The following CORO1C variants were observed in gnomAD, a reference collection of about 807,000 sequenced individuals.
The protein encoded by CORO1C is coronin 1C.
Under a neutral mutation model 51.2 loss-of-function variants are expected in CORO1C, and 14 were observed. The observed-to-expected ratio is 0.27, with a 90% CI of 0.18 to 0.43. The LOEUF (loss-of-function observed/expected upper bound fraction) is 0.43, where lower values mean the gene tolerates loss of function less well. CORO1C is among the 20% of genes least tolerant of loss of function. The pLI is 1.00. For missense variants in CORO1C, 417 were observed against 607.8 expected, an observed-to-expected ratio of 0.69 and a Z score of 3.30; for synonymous variants, 181 against 210.5, an observed-to-expected ratio of 0.86 and a Z score of 1.21.
chr12:108,655,786 T>G (rs2032936725), intron 6 of CORO1C, among the ~76,000 whole-genome samples: 1 of 152,230 alleles, frequency 6.6e-6, no homozygotes, highest in Admixed American at 6.5e-5. Flanking sequence ...GATTGCAGCC[T>G]CTGCCCGGCC....
At chr12:108,687,928 T>TC (rs1401533514) in intron 2 of CORO1C, among the ~76,000 whole-genome samples, 1 of 151,396 alleles carries the variant, frequency 6.6e-6, no homozygotes, top group Non-Finnish European at 1.5e-5. Flanking sequence ...CTGACCCTTT[T>TC]TTTTTTTTTG....
intron 3 of CORO1C, among the ~76,000 whole-genome samples, 166 bp from the exon 4 acceptor site, chr12:108,662,324 T>C (rs926767929): frequency 1.3e-5 from 2 of 152,082 alleles, no homozygotes; most frequent in Admixed American, 1.3e-4. Context: ...GCGGTTTTTT[T>C]TTTGTTTGTT....
chr12:108,680,652 C>A (rs1281662049), intron 2 of CORO1C, among the ~76,000 whole-genome samples: 1 of 152,156 alleles, frequency 6.6e-6, no homozygotes, highest in Non-Finnish European at 1.5e-5. Context: ...GATGTGAGGA[C>A]TAAATGAGAC....
intron 2 of CORO1C, among the ~76,000 whole-genome samples, chr12:108,692,132 T>C (rs961422091): frequency 6.6e-6 from 1 of 152,164 alleles, no homozygotes; most frequent in Non-Finnish European, 1.5e-5. Flanking sequence ...GAAGTCATTG[T>C]TCTGCACCTG....
rs371616071 is a variant in CORO1C at position 108,726,446 on chromosome 12, A to G, written c.-6+4983T>C. 9.2e-5 allele frequency among the ~76,000 whole-genome samples: 14 copies of G among 151,924 alleles called. No individual in the cohort carries two copies. The East Asian group carries it at 2.1e-3, about 23-fold the overall frequency. On this transcript the variant is annotated intron_variant, in intron 1 of 10. Coordinates refer to ENST00000261401, the MANE Select transcript of CORO1C (RefSeq NM_014325.4). ...TGTCTCAAAAAAAAAAAAAATGAAC[A>G]TAAGAACACAAAATATAACTAAAGA...
Position 108,731,187 on chromosome 12 carries a change from C to G in CORO1C, c.-6+242G>C, listed in dbSNP as rs527387325. 7.2e-5 allele frequency: 11 copies of G among 153,188 alleles called. No individual in the cohort carries two copies. The South Asian group carries it at 2.2e-3, about 30-fold the overall frequency. 9.5% of individuals were successfully genotyped at this position (153,188 alleles called of 1,614,324 possible). On this transcript the variant is annotated intron_variant, in intron 1 of 10. Transcript: ENST00000261401. This position sits in a 1 kb window ranked among gnomAD's most constrained non-coding sequence, Gnocchi z 5.2. ...CAGGGACCCTGCTTCACGCTCCCCA[C>G]GCCACCTGGTTCGGTCCCCAACTCC...
intron 8 of CORO1C, 59 bp from the exon 9 acceptor site, chr12:108,649,079 G>C: frequency 6.4e-7 from 1 of 1,572,838 alleles, no homozygotes; most frequent in Non-Finnish European, 8.7e-7. Flanking sequence ...TGACTAACAG[G>C]ATGAATAATT....
In CORO1C at chr12:108,647,205, C is replaced by T; in HGVS notation, c.*198G>A. ...CTGATAAAAAGCTCAGCTTTTAAAT[C>T]ACGTTTTGTTTCTGCAAATTTGGGA... On this transcript the variant is annotated 3_prime_UTR_variant, in exon 11 of 11. Coordinates refer to ENST00000261401, the MANE Select transcript of CORO1C (RefSeq NM_014325.4). 2.2e-6 allele frequency: 1 copy of T among 454,094 alleles called. No homozygotes were observed. The highest frequency in any genetic ancestry group is 3.3e-5 in the East Asian group (1 of 30,374). The allele number at this position is 454,094 out of a possible 1,614,324, so 28.1% of individuals were successfully genotyped here. A position where few individuals can be genotyped will look rare whatever the true frequency, so the allele number is the denominator to read the frequency against.
chr12:108,682,834 A>G (rs527849299), intron 2 of CORO1C, among the ~76,000 whole-genome samples: 1 of 152,324 alleles, frequency 6.6e-6, no homozygotes, highest in South Asian at 2.1e-4. Context: ...TCTGAGTATA[A>G]TGCAATACAA....
intron 1 of CORO1C, among the ~76,000 whole-genome samples, chr12:108,717,444 G>A (rs138767522): frequency 1.3e-5 from 2 of 152,162 alleles, no homozygotes; most frequent in African/African-American, 4.8e-5. Flanking sequence ...AAAAGCTCAC[G>A]CTGAATGAAG....
rs2032319270 is a variant in CORO1C, at chr12:108,645,598, C to A, written c.*1805G>T. 1 of 152,296 alleles carries A rather than the reference C, an allele frequency of 6.6e-6. No homozygotes were observed. Among genetic ancestry groups the A allele is most frequent in the East Asian group, 1.9e-4 (1 of 5,186 alleles). 9.4% of individuals were successfully genotyped at this position (152,296 alleles called of 1,614,324 possible). A position where few individuals can be genotyped will look rare whatever the true frequency, so the allele number is the denominator to read the frequency against. ...TATTAAACACATACATACACACACA[C>A]AAAACCACATCAAACATTCAGATGC... On this transcript the variant is annotated 3_prime_UTR_variant, in exon 11 of 11. Coordinates refer to ENST00000261401, the MANE Select transcript of CORO1C (RefSeq NM_014325.4).
chr12:108,689,136 G>A (rs552979460), intron 2 of CORO1C, among the ~76,000 whole-genome samples: 1 of 152,256 alleles, frequency 6.6e-6, no homozygotes, highest in South Asian at 2.1e-4. Flanking sequence ...GAAGGCGGAG[G>A]TTGCAGTGAG....
chr12:108,724,768 A>AATG (rs1473228123), intron 1 of CORO1C, among the ~76,000 whole-genome samples: 1 of 152,168 alleles, frequency 6.6e-6, no homozygotes, highest in Non-Finnish European at 1.5e-5. Flanking sequence ...TTCCACATAC[A>AATG]ATGTATAGGC....
At chr12:108,719,980 T>C (rs186969122) in intron 1 of CORO1C, among the ~76,000 whole-genome samples, 1 of 151,724 alleles carries the variant, frequency 6.6e-6, no homozygotes, top group Non-Finnish European at 1.5e-5. Context: ...AGCCCAAGAG[T>C]TGGAAACCAG....
chr12:108,701,720 G>A, intron 1 of CORO1C: 1 of 192,844 alleles, frequency 5.2e-6, no homozygotes, highest in East Asian at 1.4e-4. Context: ...TAGAGGTGAG[G>A]CTGAAGAAAG....
intron 1 of CORO1C, among the ~76,000 whole-genome samples, chr12:108,718,545 A>ACTCAT (rs2035397605): frequency 6.6e-6 from 1 of 151,974 alleles, no homozygotes; most frequent in Non-Finnish European, 1.5e-5. Context: ...CCACCTCAAA[A>ACTCAT]ACAAAAAGAA....
chr12:108,672,567 G>A (rs2033758098), intron 3 of CORO1C, among the ~76,000 whole-genome samples: 1 of 152,044 alleles, frequency 6.6e-6, no homozygotes, highest in South Asian at 2.1e-4. Flanking sequence ...AAAGGAGATG[G>A]AGATGTAATT....
intron 3 of CORO1C, among the ~76,000 whole-genome samples, chr12:108,668,167 A>G (rs1336274456): frequency 6.6e-6 from 1 of 152,256 alleles, no homozygotes; most frequent in East Asian, 1.9e-4. Flanking sequence ...ATGTGGTAGC[A>G]GCTGCAGACC....
intron 2 of CORO1C, among the ~76,000 whole-genome samples, chr12:108,680,804 G>A (rs927726986): frequency 6.6e-6 from 1 of 152,166 alleles, no homozygotes; most frequent in Non-Finnish European, 1.5e-5. Flanking sequence ...TCTAAGCCAC[G>A]TGGTTTTGCT....
Sources: gnomAD v4.1 joint callset for allele counts (sites outside exome capture counted in the v4.1 genomes callset) on GRCh38, gnomAD v4.1.1 for gene constraint, Gnocchi (gnomAD v3.1) non-coding constraint, MANE v1.5 for transcripts, NCBI Gene and HGNC (gene_info 2026-07-23, HGNC 2026-07-21) for gene names.